The following TMEM71 variants were observed in gnomAD, a reference collection of about 807,000 sequenced individuals.
TMEM71 encodes the protein transmembrane protein 71.
In TMEM71, 44 loss-of-function variants were observed where a neutral mutation model predicts 38.0. That is an observed-to-expected ratio of 1.16 (90% confidence interval 0.91 to 1.49). TMEM71 has a LOEUF of 1.49. TMEM71 is among the 40% of genes most tolerant of loss of function. The pLI, the probability that TMEM71 is intolerant of heterozygous loss-of-function variation, is 0.00. For synonymous variants in TMEM71, 133 were observed against 122.5 expected (o/e 1.09, Z -0.56); for missense variants, 367 against 348.6 (o/e 1.05, Z -0.42).
intron 4 of TMEM71, among the ~76,000 whole-genome samples, chr8:132,749,223 A>G (rs1011245141): frequency 5.3e-5 from 8 of 152,242 alleles, no homozygotes; most frequent in Non-Finnish European, 5.9e-5. Flanking sequence ...TAGGTAATCC[A>G]GGAGGCATCA....
chr8:132,719,837 A>C (rs1212135017), intron 7 of TMEM71, among the ~76,000 whole-genome samples: 1 of 152,130 alleles, frequency 6.6e-6, no homozygotes, highest in East Asian at 1.9e-4. Flanking sequence ...ACACTGGTAC[A>C]TTACTATGAT....
chr8:132,770,100 A>G, the TMEM71 span, among the ~76,000 whole-genome samples: 3 of 152,194 alleles, frequency 2.0e-5, no homozygotes, highest in Non-Finnish European at 4.4e-5. Flanking sequence ...TGTACGTTGT[A>G]GAGACTATCT....
At chr8:132,762,343 C>G (rs1435290836), upstream of TMEM71, among the ~76,000 whole-genome samples, 1 of 152,216 alleles carries the variant, frequency 6.6e-6, no homozygotes, top group Non-Finnish European at 1.5e-5. Context: ...TATCCCTCAT[C>G]CTCCCTCTTC....
At chr8:132,752,033 T>C in intron 3 of TMEM71, 36 bp from the exon 4 acceptor site, 3 of 1,552,874 alleles carry the variant, frequency 1.9e-6, no homozygotes, top group Non-Finnish European at 2.7e-6. Flanking sequence ...TAAATCTCTA[T>C]TCAGTACATC....
At chr8:132,773,754 T>TGCAA in the TMEM71 span, among the ~76,000 whole-genome samples, 1 of 152,150 alleles carries the variant, frequency 6.6e-6, no homozygotes, top group Admixed American at 6.5e-5. Context: ...GAACTTTAGC[T>TGCAA]GCAAGGGAGA....
chr8:132,713,985 C>A lies in TMEM71; in HGVS notation c.872+10G>T. On this transcript the variant is annotated intron_variant, in intron 9 of 9. Coordinates refer to ENST00000677595, the MANE Select transcript of TMEM71 (RefSeq NM_001382403.1). ...GTCCAGACAATAATGATGACACAGG[C>A]AACACTTACCGAGCACAGGCAGTGG... is the stretch of plus-strand genomic sequence containing the variant. The A allele has an allele frequency of 6.2e-7, 1 of 1,613,056 alleles. No homozygotes were observed. Among genetic ancestry groups the A allele is most frequent in the Non-Finnish European group, 8.5e-7 (1 of 1,179,286 alleles).
chr8:132,747,196 T>C (rs1236371699), intron 4 of TMEM71, 82 bp from the exon 5 acceptor site: 2 of 1,239,160 alleles, frequency 1.6e-6, no homozygotes, highest in Non-Finnish European at 2.2e-6. Context: ...CAGAGTACAT[T>C]TCTACAACCC....
intron 5 of TMEM71, among the ~76,000 whole-genome samples, chr8:132,744,136 G>T (rs1047110809): frequency 6.6e-6 from 1 of 152,120 alleles, no homozygotes; most frequent in Non-Finnish European, 1.5e-5. Context: ...GAAGACAGGG[G>T]TTATTACATT....
At position 132,727,812 on chromosome 8, in the gene TMEM71, C is replaced by T; in HGVS notation, c.662G>A (p.Ser221Asn). 6.2e-7 allele frequency: 1 copy of T among 1,610,918 alleles called. No homozygotes were observed. Among genetic ancestry groups the T allele is most frequent in the Non-Finnish European group, 8.5e-7 (1 of 1,178,618 alleles). Residue 221 changes from serine (S) to asparagine (N), a missense_variant, in exon 6 of 10, where the codon AGT becomes AAT. Ser to Asn is a conservative substitution (Grantham distance 46). Transcript: ENST00000677595. The part of the protein sequence containing the change: ...LTASERFQEN[S>N]SDHSETRLLQ... Reference sequence around the variant, plus strand: ...CCTGAACTCACCTGAATGATCCGAACTATTCTCTTGGAAACGTTCAGAAGC... The same window carrying T: ...CCTGAACTCACCTGAATGATCCGAATTATTCTCTTGGAAACGTTCAGAAGC...
upstream of TMEM71, among the ~76,000 whole-genome samples, chr8:132,763,561 C>A (rs1829328627): frequency 6.6e-6 from 1 of 152,134 alleles, no homozygotes; most frequent in Non-Finnish European, 1.5e-5. Context: ...ACAAAAAGTT[C>A]TAGAAAGCAT....
chr8:132,772,480 T>C, the TMEM71 span, among the ~76,000 whole-genome samples: 1 of 152,176 alleles, frequency 6.6e-6, no homozygotes, highest in East Asian at 1.9e-4. Flanking sequence ...GAGTCAGTAC[T>C]AGAATTTTGT....
intron 5 of TMEM71, among the ~76,000 whole-genome samples, chr8:132,743,190 G>C (rs1828144867): frequency 0.024 from 1 of 42 alleles, no homozygotes; most frequent in Admixed American, 0.25. Flanking sequence ...GAAAGGGGAA[G>C]AAGAGCCGCA....
chr8:132,709,465 T>C (rs1319300274), downstream of TMEM71, among the ~76,000 whole-genome samples: 2 of 152,192 alleles, frequency 1.3e-5, no homozygotes, highest in Non-Finnish European at 2.9e-5. Flanking sequence ...TGTTACCTTA[T>C]ATGAAAATAG....
downstream of TMEM71, among the ~76,000 whole-genome samples, chr8:132,708,620 T>C (rs367978970): frequency 1.3e-5 from 2 of 152,194 alleles, no homozygotes; most frequent in East Asian, 1.9e-4. Flanking sequence ...GCCTTAGCCA[T>C]TGGGTCCTGG....
At chr8:132,766,826 A>G in the TMEM71 span, among the ~76,000 whole-genome samples, 2 of 151,328 alleles carry the variant, frequency 1.3e-5, no homozygotes, top group African/African-American at 4.9e-5. Flanking sequence ...TTTTCACTTC[A>G]TCTTTCCAGA....
upstream of TMEM71, among the ~76,000 whole-genome samples, chr8:132,765,246 G>T (rs1032928751): frequency 4.6e-5 from 7 of 152,182 alleles, no homozygotes; most frequent in African/African-American, 1.7e-4. Context: ...GATGAAAGTG[G>T]AGCTGAAGCT....
At chr8:132,762,478 A>T (rs115821129), upstream of TMEM71, among the ~76,000 whole-genome samples, 3,519 of 147,406 alleles carry the variant, frequency 0.024, 147 homozygotes, top group African/African-American at 0.086. Flanking sequence ...ACTTTGGTCT[A>T]CTTTTTTTTT....
intron 5 of TMEM71, among the ~76,000 whole-genome samples, chr8:132,741,752 C>T (rs1296877719): frequency 4.6e-5 from 7 of 152,144 alleles, no homozygotes; most frequent in Admixed American, 3.9e-4. Flanking sequence ...AGGAGCGTGA[C>T]CACTGAAGCA....
the TMEM71 span, among the ~76,000 whole-genome samples, chr8:132,768,150 C>T: frequency 6.6e-6 from 1 of 152,156 alleles, no homozygotes; most frequent in South Asian, 2.1e-4. Flanking sequence ...CTTGTAATAA[C>T]ACTGGAATAG....
Sources: allele counts gnomAD v4.1 joint callset (sites outside exome capture counted in the v4.1 genomes callset), GRCh38; gene constraint gnomAD v4.1.1; transcripts MANE v1.5; gene names NCBI Gene and HGNC (gene_info 2026-07-23, HGNC 2026-07-21).